Variants in CCSER1 observed in about 807,000 individuals in gnomAD.
The protein encoded by CCSER1 is coiled-coil serine rich protein 1, also known as serine-rich coiled-coil domain-containing protein 1.
Under a neutral mutation model 82.0 loss-of-function variants are expected in CCSER1, and 41 were observed. That is an observed-to-expected ratio of 0.50 (90% CI 0.39 to 0.65). The LOEUF (loss-of-function observed/expected upper bound fraction) is 0.65, where lower values mean the gene tolerates loss of function less well. Among genes scored for constraint, CCSER1 ranks in the 30% least tolerant of loss-of-function variants. The pLI, the probability that CCSER1 is intolerant of heterozygous loss-of-function variation, is 0.00. For missense variants in CCSER1, 1,119 were observed against 1,064.2 expected (o/e 1.05, Z -0.72); for synonymous variants, 414 against 383.9 (o/e 1.08, Z -0.92).
intron 6 of CCSER1, among the ~76,000 whole-genome samples, chr4:90,711,557 A>G (rs776897946): frequency 1.1e-4 from 16 of 152,078 alleles, no homozygotes; most frequent in Non-Finnish European, 2.2e-4. Flanking sequence ...GTTGAATTTT[A>G]TTGAAGGCCT....
chr4:90,545,691 T>G lies in CCSER1; in HGVS notation c.1724+77337T>G, dbSNP rs189134610. Reference sequence around the variant, plus strand: ...TGGATCCAAAAGGAAAAGCGATGCTTCTTTTTATCCATTTGGTTCAAGCAT... The same window carrying G: ...TGGATCCAAAAGGAAAAGCGATGCTGCTTTTTATCCATTTGGTTCAAGCAT... On this transcript the variant is annotated intron_variant, in intron 5 of 10. Transcript: ENST00000509176. 4.6e-5 allele frequency among the ~76,000 whole-genome samples: 7 copies of G among 152,252 alleles called. No homozygotes were observed. The East Asian group carries it at 1.3e-3, about 29-fold the overall frequency.
At chr4:91,315,103 C>A (rs1213055397) in intron 10 of CCSER1, among the ~76,000 whole-genome samples, 1 of 151,728 alleles carries the variant, frequency 6.6e-6, no homozygotes, top group East Asian at 1.9e-4. Context: ...TATTTACCCA[C>A]TTCAGCCAAT....
At chr4:90,608,746 ACTT>A (rs2148807269) in intron 5 of CCSER1, among the ~76,000 whole-genome samples, 1 of 151,956 alleles carries the variant, frequency 6.6e-6, no homozygotes, top group South Asian at 2.1e-4. Flanking sequence ...ATATATTCTC[ACTT>A]CTTATTTTGC....
chr4:91,478,915 A>C (rs1757737018), intron 10 of CCSER1, among the ~76,000 whole-genome samples: 1 of 151,854 alleles, frequency 6.6e-6, no homozygotes, highest in Non-Finnish European at 1.5e-5. Flanking sequence ...ATAATGTTAT[A>C]TAAACTGTTA....
chr4:91,447,050 T>A (rs1464242787), intron 10 of CCSER1, among the ~76,000 whole-genome samples: 1 of 152,176 alleles, frequency 6.6e-6, no homozygotes, highest in East Asian at 1.9e-4. Flanking sequence ...TGTCAACCAA[T>A]GCTTGACATG....
chr4:90,371,742 C>T (rs2153525726), intron 3 of CCSER1, among the ~76,000 whole-genome samples: 1 of 152,202 alleles, frequency 6.6e-6, no homozygotes, highest in East Asian at 1.9e-4. Flanking sequence ...GTGTTAGGAT[C>T]AGGGTCATAT....
At chr4:90,437,236 C>T (rs1462102098) in intron 4 of CCSER1, among the ~76,000 whole-genome samples, 5 of 152,074 alleles carry the variant, frequency 3.3e-5, no homozygotes, top group Admixed American at 1.3e-4. Flanking sequence ...AAAACACACA[C>T]GCACACATGC....
chr4:90,488,482 C>T (rs1245242792), intron 5 of CCSER1, among the ~76,000 whole-genome samples: 3 of 152,160 alleles, frequency 2.0e-5, no homozygotes, highest in African/African-American at 7.2e-5. Context: ...GCCACTGCAC[C>T]AGGCGACGTC....
intron 7 of CCSER1, among the ~76,000 whole-genome samples, chr4:90,787,438 A>T (rs1037770224): frequency 1.3e-5 from 2 of 152,218 alleles, no homozygotes; most frequent in African/African-American, 4.8e-5. Flanking sequence ...TTGAATGCAT[A>T]ATTTTCAGTG....
intron 1 of CCSER1, among the ~76,000 whole-genome samples, chr4:90,170,629 T>C (rs1267088303): frequency 6.6e-6 from 1 of 151,896 alleles, no homozygotes; most frequent in Non-Finnish European, 1.5e-5. Context: ...CAATTTATCT[T>C]TCTGTGCCTG....
At chr4:91,099,917 G>A (rs1724888219) in intron 10 of CCSER1, among the ~76,000 whole-genome samples, 1 of 151,870 alleles carries the variant, frequency 6.6e-6, no homozygotes. Context: ...GGAGGGCCAG[G>A]AAGAAAAAAA....
At chr4:90,210,381 T>C (rs1316613708) in intron 1 of CCSER1, among the ~76,000 whole-genome samples, 1 of 152,210 alleles carries the variant, frequency 6.6e-6, no homozygotes, top group Admixed American at 6.5e-5. Context: ...TTCATTTGAA[T>C]TGATGATAGC....
chr4:91,343,634 C>T (rs192174432), intron 10 of CCSER1, among the ~76,000 whole-genome samples: 3 of 152,234 alleles, frequency 2.0e-5, no homozygotes, highest in East Asian at 3.9e-4. Context: ...TTTCCTTTAA[C>T]AGTACCTACT....
At chr4:91,026,381 G>A (rs553560512) in intron 9 of CCSER1, among the ~76,000 whole-genome samples, 22 of 152,040 alleles carry the variant, frequency 1.4e-4, no homozygotes, top group Admixed American at 7.2e-4. Flanking sequence ...AAATTGAAGC[G>A]CTAAAGGAGC....
At chr4:90,589,706 T>C (rs1490075949) in intron 5 of CCSER1, among the ~76,000 whole-genome samples, 1 of 152,166 alleles carries the variant, frequency 6.6e-6, no homozygotes, top group Admixed American at 6.5e-5. Flanking sequence ...TATCTAATAA[T>C]GACTACCTGC....
Position 90,312,982 on chromosome 4 carries a change from A to G in CCSER1, c.1444A>G (p.Ile482Val). The G allele has an allele frequency of 1.2e-6, 2 of 1,604,262 alleles. No homozygotes were observed. Among genetic ancestry groups the G allele is most frequent in the Non-Finnish European group, 8.5e-7 (1 of 1,174,854 alleles). Residue 482 changes from isoleucine (I) to valine (V), a missense_variant, in exon 3 of 11, where the codon ATA (isoleucine) becomes GTA (valine). Physicochemically the swap from Ile to Val is conservative, Grantham distance 29. Coordinates refer to ENST00000509176, the MANE Select transcript of CCSER1 (RefSeq NM_001145065.2). Reference sequence around the variant, plus strand: ...GATTTTGAAACCGAAAGATGGAAATATAGAAGAAGTTAATAGTTTAAGAAA... The same window carrying G: ...GATTTTGAAACCGAAAGATGGAAATGTAGAAGAAGTTAATAGTTTAAGAAA... ...RMILKPKDGN[I>V]EEVNSLRKQR... is the part of the protein sequence containing the mutation.
At chr4:91,132,957 T>C (rs185110960) in intron 10 of CCSER1, among the ~76,000 whole-genome samples, 4 of 152,176 alleles carry the variant, frequency 2.6e-5, no homozygotes, top group Admixed American at 6.6e-5. Context: ...TAGATCTGAC[T>C]TCTTGGGGAT....
intron 9 of CCSER1, among the ~76,000 whole-genome samples, chr4:91,034,322 T>A (rs1448728725): frequency 6.6e-6 from 1 of 152,166 alleles, no homozygotes; most frequent in Non-Finnish European, 1.5e-5. Context: ...AAATGCCACT[T>A]GTTTACTTCA....
intron 9 of CCSER1, among the ~76,000 whole-genome samples, chr4:90,974,479 A>G (rs1442501353): frequency 6.6e-6 from 1 of 151,306 alleles, no homozygotes; most frequent in Non-Finnish European, 1.5e-5. Context: ...GCTTTCAAGA[A>G]AGTGAAAATA....
Sources: gnomAD v4.1 joint callset for allele counts (sites outside exome capture counted in the v4.1 genomes callset) on GRCh38, gnomAD v4.1.1 for gene constraint, MANE v1.5 for transcripts, NCBI Gene and HGNC (gene_info 2026-07-23, HGNC 2026-07-21) for gene names.